The following FNDC7 variants were observed in gnomAD, a reference collection of about 807,000 sequenced individuals.
FNDC7 encodes fibronectin type III domain containing 7.
A neutral mutation model predicts 74.2 loss-of-function variants in FNDC7; 66 were observed. The observed-to-expected ratio is 0.89, with a 90% confidence interval of 0.73 to 1.09. The LOEUF is 1.09. FNDC7 is among the 50% of genes least tolerant of loss of function. The pLI is 0.00. For missense variants in FNDC7, 829 were observed against 893.4 expected (o/e 0.93, Z 0.92); for synonymous variants, 307 against 330.2 (o/e 0.93, Z 0.76).
At chr1:108,740,458 G>C (rs1661618490) in intron 11 of FNDC7, among the ~76,000 whole-genome samples, 1 of 151,258 alleles carries the variant, frequency 6.6e-6, no homozygotes, top group Non-Finnish European at 1.5e-5. Context: ...CACTTTAGTA[G>C]CTGGGATTAC....
At chr1:108,726,056 C>T (rs764054240) in intron 6 of FNDC7, 52 bp downstream of exon 6, 2 of 1,591,044 alleles carry the variant, frequency 1.3e-6, no homozygotes, top group East Asian at 4.5e-5. Context: ...CTAACCTCAG[C>T]AGCAGAATGG....
intron 9 of FNDC7, among the ~76,000 whole-genome samples, chr1:108,731,178 T>G (rs192039800): frequency 3.3e-5 from 5 of 152,224 alleles, no homozygotes; most frequent in Non-Finnish European, 7.3e-5. Context: ...GAAGGGACCA[T>G]GTATCTTTAT....
At position 108,717,759 on chromosome 1, in the gene FNDC7, C is replaced by T. The variant is rs1557786584; in HGVS notation, c.83-18C>T. 13 of 1,551,102 alleles carry T rather than the reference C, an allele frequency of 8.4e-6. No individual in the cohort carries two copies. The highest frequency in any genetic ancestry group is 8.7e-6 in the Non-Finnish European group (10 of 1,146,460). ...CGTAGGTATCTTGGCTAATGTACAACTCTAAAACCTCTTTCAGCTCCTGAA... is the reference window on the plus strand; with the variant it reads ...CGTAGGTATCTTGGCTAATGTACAATTCTAAAACCTCTTTCAGCTCCTGAA... On this transcript the variant is annotated intron_variant, in intron 2 of 12. Coordinates refer to ENST00000370017, the MANE Select transcript of FNDC7 (RefSeq NM_001144937.3).
Position 108,732,276 on chromosome 1 carries a change from G to A in FNDC7, c.1880-996G>A, listed in dbSNP as rs1393926492. ...CGGGAGGCTGAGGCCGGAGAATGGC[G>A]TGAACCCGGGAGGCGGAGTTTGCAG... On this transcript the variant is annotated intron_variant, in intron 9 of 12. Coordinates refer to ENST00000370017, the MANE Select transcript of FNDC7 (RefSeq NM_001144937.3). Among the ~76,000 whole-genome samples, 9 of 146,346 alleles carry A rather than the reference G, an allele frequency of 6.1e-5. No individual in the cohort carries two copies. In the East Asian group the frequency reaches 1.8e-3, roughly 29 times the overall value.
Position 108,741,216 on chromosome 1 carries a change from A to G in FNDC7, c.2171-557A>G, listed in dbSNP as rs753957539. On this transcript the variant is annotated intron_variant, in intron 11 of 12. Transcript: ENST00000370017. ...TGCAAGTTGGAAGGGAAAGGAAAAA[A>G]AAAACCTATTTGAGGTGATAGCGGC... Among the ~76,000 whole-genome samples the G allele has an allele frequency of 3.3e-4, 50 of 152,210 alleles. 1 individual carries two copies. Among genetic ancestry groups the G allele is most frequent in the Non-Finnish European group, 8.8e-5 (6 of 68,034 alleles).
intron 8 of FNDC7, 104 bp from the exon 9 acceptor site, chr1:108,730,570 G>C (rs532890681): frequency 1.0e-5 from 13 of 1,284,996 alleles, no homozygotes; most frequent in South Asian, 4.6e-5. Flanking sequence ...GGGGAATGTA[G>C]GATATTGAGT....
chr1:108,730,785 AC>A lies in FNDC7; in HGVS notation c.1737del (p.His579GlnfsTer16). 6.2e-7 allele frequency: 1 copy of A among 1,614,162 alleles called. No homozygotes were observed. The highest frequency in any genetic ancestry group is 8.5e-7 in the Non-Finnish European group (1 of 1,180,018). On this transcript the variant is annotated frameshift_variant, in exon 9 of 13. Transcript: ENST00000370017. LOFTEE classifies it high-confidence loss of function. ...ACCCATGTTGCAGTTCTGGAGTCAC[AC>A]ACTGGACAGTCTAAGTGTCACACTC... ...AQTHVAVLES[H>X]TGQSKCHTHQ... is the part of the protein sequence containing the mutation.
intron 5 of FNDC7, among the ~76,000 whole-genome samples, chr1:108,723,242 T>C (rs1661135414): frequency 1.3e-5 from 2 of 152,214 alleles, no homozygotes; most frequent in African/African-American, 2.4e-5. Flanking sequence ...TTTTCTCTTT[T>C]TTTACATAAG....
At chr1:108,729,441 C>T (rs569096631) in intron 8 of FNDC7, among the ~76,000 whole-genome samples, 86 of 152,108 alleles carry the variant, frequency 5.7e-4, no homozygotes, top group African/African-American at 2.1e-3. Context: ...CCTGGCTACT[C>T]AGCAGGCTGA....
At chr1:108,724,436 C>T (rs1661160904) in intron 5 of FNDC7, among the ~76,000 whole-genome samples, 1 of 151,968 alleles carries the variant, frequency 6.6e-6, no homozygotes, top group Non-Finnish European at 1.5e-5. Flanking sequence ...TTCTGTCATT[C>T]AGTGCATGAG....
At chr1:108,723,931 C>G (rs944222650) in intron 5 of FNDC7, among the ~76,000 whole-genome samples, 3 of 152,210 alleles carry the variant, frequency 2.0e-5, no homozygotes, top group African/African-American at 7.2e-5. Flanking sequence ...TCACACTTAA[C>G]AGGTCCAGGA....
chr1:108,741,788 A>G lies in FNDC7; in HGVS notation c.2186A>G (p.Lys729Arg), dbSNP rs201361590. The G allele has an allele frequency of 7.8e-5, 126 of 1,613,906 alleles. No homozygotes were observed. The highest frequency in any genetic ancestry group is 1.0e-4 in the Non-Finnish European group (120 of 1,179,926). ...STLGMVIYRG[K>R]RNEE The stretch of plus-strand genomic sequence containing the variant: ...CCCTTTTCAGTGATTTATAGAGGGA[A>G]GAGAAATGAAGAATGACAAAGTGAG... Residue 729 changes from lysine to arginine, a missense_variant, in exon 12 of 13, where the codon AAG (lysine) becomes AGG (arginine). Transcript: ENST00000370017.
At position 108,718,928 on chromosome 1, in the gene FNDC7, T is replaced by C; in HGVS notation, c.477T>C (p.Asn159=). ...ANGLGSIWKE[N]TTNTSLTFTS... ...GCTTGGGGAGTATATGGAAAGAGAA[T>C]ACTACAAACACCTCCTTGACATTCA... Residue 159 remains asparagine, a synonymous_variant, in exon 4 of 13, where the codon AAT becomes AAC. Transcript: ENST00000370017. The C allele has an allele frequency of 7.1e-6, 11 of 1,551,734 alleles. No individual in the cohort carries two copies. Among genetic ancestry groups the C allele is most frequent in the Non-Finnish European group, 9.6e-6 (11 of 1,147,002 alleles).
chr1:108,740,235 T>C (rs2101093208), intron 11 of FNDC7, among the ~76,000 whole-genome samples: 1 of 151,484 alleles, frequency 6.6e-6, no homozygotes, highest in Non-Finnish European at 1.5e-5. Context: ...CTGGATATGC[T>C]GAGGGGAGCC....
chr1:108,730,059 C>T (rs139794281), intron 8 of FNDC7, among the ~76,000 whole-genome samples: 24 of 152,234 alleles, frequency 1.6e-4, no homozygotes, highest in African/African-American at 5.8e-4. Flanking sequence ...TGAAAGCAAC[C>T]GTTACTTTGA....
intron 8 of FNDC7, among the ~76,000 whole-genome samples, chr1:108,729,833 A>G (rs1235548953): frequency 6.6e-6 from 1 of 152,228 alleles, no homozygotes; most frequent in Non-Finnish European, 1.5e-5. Flanking sequence ...CTAAAAAAAG[A>G]AGCCAGCAGT....
At position 108,725,964 on chromosome 1, in the gene FNDC7, A is replaced by G. The variant is rs558709720; in HGVS notation, c.1071A>G (p.Ala357=). The change falls in exon 6 of 13, where the codon GCA becomes GCG. Residue 357 remains alanine (A), a synonymous_variant. Transcript: ENST00000370017. ...TTAGTGTTTTTGTCTATAACAAGGC[A>G]GGGCAAAGTCCTTTGGGTGACATAT... ...YFISVFVYNK[A]GQSPLGDIFN... 1.2e-6 allele frequency: 2 copies of G among 1,614,232 alleles called. No individual in the cohort carries two copies. The highest frequency in any genetic ancestry group is 2.2e-5 in the South Asian group (2 of 91,084).
intron 7 of FNDC7, 63 bp downstream of exon 7, chr1:108,728,128 A>C (rs1661261499): frequency 6.4e-7 from 1 of 1,563,432 alleles, no homozygotes; most frequent in Non-Finnish European, 8.7e-7. Context: ...TCTGAGCCTC[A>C]GGATGGGCAT....
intron 2 of FNDC7, 135 bp from the exon 3 acceptor site, chr1:108,717,642 C>T: frequency 1.1e-6 from 1 of 908,996 alleles, no homozygotes; most frequent in Admixed American, 2.7e-5. Flanking sequence ...TCTGTTTTTC[C>T]TTGATCTGAA....
Sources: gnomAD v4.1 joint callset for allele counts (sites outside exome capture counted in the v4.1 genomes callset) on GRCh38, gnomAD v4.1.1 for gene constraint, MANE v1.5 for transcripts, NCBI Gene and HGNC (gene_info 2026-07-23, HGNC 2026-07-21) for gene names.